ALK: variants seen among roughly 807,000 people sequenced by gnomAD.
The protein encoded by ALK is ALK receptor tyrosine kinase.
Under a neutral mutation model 163.1 loss-of-function variants are expected in ALK, and 74 were observed. That is an observed-to-expected ratio of 0.45 (90% confidence interval 0.38 to 0.55). The LOEUF (loss-of-function observed/expected upper bound fraction) is 0.55. Ranked by LOEUF, ALK falls within the 20% of genes least tolerant of loss-of-function variation. The pLI, the probability that ALK is intolerant of heterozygous loss-of-function variation, is 0.00. For synonymous variants in ALK, 960 were observed against 843.2 expected (o/e 1.14, Z -2.40); for missense variants, 2,063 against 2,105.3 (o/e 0.98, Z 0.39).
intron 1 of ALK, among the ~76,000 whole-genome samples, chr2:29,896,984 G>A (rs796622238): frequency 4.0e-5 from 6 of 151,728 alleles, no homozygotes; most frequent in Admixed American, 2.0e-4. Flanking sequence ...CTTAGATATA[G>A]ATAGACATAG....
intron 5 of ALK, among the ~76,000 whole-genome samples, chr2:29,351,744 T>C (rs1427627724): frequency 6.6e-6 from 1 of 152,112 alleles, no homozygotes; most frequent in African/African-American, 2.4e-5. Context: ...TATAATTCAG[T>C]TAACTCCATG....
At chr2:29,356,959 C>T (rs1374466968) in intron 5 of ALK, among the ~76,000 whole-genome samples, 1 of 152,162 alleles carries the variant, frequency 6.6e-6, no homozygotes, top group Non-Finnish European at 1.5e-5. Flanking sequence ...CAGAGACCCC[C>T]AAGTCCCACC....
chr2:29,760,343 C>T (rs923312414), intron 1 of ALK, among the ~76,000 whole-genome samples: 23 of 152,160 alleles, frequency 1.5e-4, no homozygotes, highest in African/African-American at 5.6e-4. Context: ...TTAACCCTCT[C>T]GGCCGCAGCT....
At chr2:29,598,967 C>T (rs2148212945) in intron 3 of ALK, among the ~76,000 whole-genome samples, 1 of 151,884 alleles carries the variant, frequency 6.6e-6, no homozygotes, top group African/African-American at 2.4e-5. Context: ...TGTAAAAGGA[C>T]ACATAAAAAA....
At position 29,434,297 on chromosome 2, in the gene ALK, G is replaced by A. The variant is rs552289163; in HGVS notation, c.1155-50438C>T. 5.3e-5 allele frequency among the ~76,000 whole-genome samples: 8 copies of A among 152,266 alleles called. No homozygotes were observed. In the East Asian group the frequency reaches 9.6e-4, roughly 18 times the overall value. ...CATAATGACCTAATGCAAATGAGAC[G>A]GAGGCTAGGGTAGTATGTTGAGGAT... On this transcript the variant is annotated intron_variant, in intron 4 of 28. Transcript: ENST00000389048.
chr2:29,433,103 T>A (rs547355767), intron 4 of ALK, among the ~76,000 whole-genome samples: 1 of 152,188 alleles, frequency 6.6e-6, no homozygotes, highest in Non-Finnish European at 1.5e-5. Flanking sequence ...CCAGGCAAAG[T>A]TTAACAATAA....
At chr2:29,334,876 GCT>G (rs1308561853) in intron 5 of ALK, among the ~76,000 whole-genome samples, 3 of 152,142 alleles carry the variant, frequency 2.0e-5, no homozygotes, top group Non-Finnish European at 4.4e-5. Flanking sequence ...AAAAAACAAC[GCT>G]CTGTCTTCTC....
chr2:29,323,943 G>C (rs559889774), intron 6 of ALK, among the ~76,000 whole-genome samples: 1 of 152,196 alleles, frequency 6.6e-6, no homozygotes, highest in Admixed American at 6.5e-5. Context: ...GTGGTCCAGG[G>C]ACCAGCTGTA....
chr2:29,288,194 G>A (rs778154957), intron 9 of ALK, among the ~76,000 whole-genome samples: 39 of 152,170 alleles, frequency 2.6e-4, no homozygotes, highest in Non-Finnish European at 4.6e-4. Flanking sequence ...AGTAGGGCAG[G>A]GGGCATAAAG....
intron 26 of ALK, among the ~76,000 whole-genome samples, chr2:29,204,330 C>T (rs1417885525): frequency 1.3e-5 from 2 of 152,200 alleles, no homozygotes; most frequent in African/African-American, 2.4e-5. Flanking sequence ...ACTAGGATAT[C>T]GCATTACATT....
At chr2:29,650,517 C>T (rs1029134188) in intron 3 of ALK, among the ~76,000 whole-genome samples, 2 of 152,138 alleles carry the variant, frequency 1.3e-5, no homozygotes, top group African/African-American at 4.8e-5. Flanking sequence ...CCTTAACAAT[C>T]GACTTCCTAG....
intron 4 of ALK, among the ~76,000 whole-genome samples, chr2:29,468,681 T>G (rs1671272007): frequency 6.6e-6 from 1 of 151,010 alleles, no homozygotes; most frequent in South Asian, 2.1e-4. Context: ...AGACCCTTTC[T>G]CTACAAAAAA....
chr2:29,318,449 T>G, intron 7 of ALK, 45 bp from the exon 8 acceptor site: 1 of 1,399,670 alleles, frequency 7.1e-7, no homozygotes, highest in Middle Eastern at 1.8e-4. Context: ...TATCAGGAAC[T>G]GGGGGACCAG....
intron 3 of ALK, among the ~76,000 whole-genome samples, chr2:29,657,105 C>A (rs963060336): frequency 1.3e-5 from 2 of 152,064 alleles, no homozygotes; most frequent in Non-Finnish European, 2.9e-5. Context: ...ATCCAGTGCC[C>A]TTGCCCTGCC....
chr2:29,727,454 T>G (rs1313831429), intron 1 of ALK, among the ~76,000 whole-genome samples: 1 of 152,236 alleles, frequency 6.6e-6, no homozygotes, highest in Admixed American at 6.5e-5. Context: ...AACTGTGTTC[T>G]CAGATACAGC....
intron 4 of ALK, among the ~76,000 whole-genome samples, chr2:29,425,507 T>C (rs770708934): frequency 1.3e-5 from 2 of 152,332 alleles, no homozygotes; most frequent in Non-Finnish European, 2.9e-5. Flanking sequence ...CATGTCATGC[T>C]GATAATGCTG....
intron 2 of ALK, among the ~76,000 whole-genome samples, chr2:29,717,224 T>A (rs1312622233): frequency 2.1e-5 from 3 of 145,944 alleles, no homozygotes; most frequent in Admixed American, 2.1e-4. Context: ...CTAGAAACAC[T>A]GTGGGTTAGA....
intron 13 of ALK, among the ~76,000 whole-genome samples, chr2:29,235,436 A>G (rs899010833): frequency 2.6e-5 from 4 of 152,084 alleles, no homozygotes; most frequent in African/African-American, 9.7e-5. Context: ...GGATTTAACG[A>G]TGGAAATAAT....
At chr2:29,746,129 C>T (rs2631959) in intron 1 of ALK, among the ~76,000 whole-genome samples, 129,578 of 152,142 alleles carry the variant, frequency 0.85, 55,377 homozygotes, top group African/African-American at 0.91. Context: ...AGAGAAGATA[C>T]GTAACTTGCC....
Sources: allele counts gnomAD v4.1 joint callset (sites outside exome capture counted in the v4.1 genomes callset), GRCh38; gene constraint gnomAD v4.1.1; transcripts MANE v1.5; gene names NCBI Gene and HGNC (gene_info 2026-07-23, HGNC 2026-07-21).